ROBO2: variants seen among roughly 807,000 people sequenced by gnomAD.
ROBO2 encodes the protein roundabout homolog 2.
ROBO2 carries 53 observed loss-of-function variants against 160.8 expected under a neutral mutation model. The observed-to-expected ratio is 0.33, with a 90% CI of 0.26 to 0.41. The LOEUF (loss-of-function observed/expected upper bound fraction) is 0.41. Among genes scored for constraint, ROBO2 ranks in the 10% least tolerant of loss-of-function variants. ROBO2 has a pLI of 1.00. For synonymous variants in ROBO2, 664 were observed against 611.7 expected (o/e 1.09, Z -1.26); for missense variants, 1,577 against 1,722.4 (o/e 0.92, Z 1.49).
At chr3:76,611,167 C>G (rs528819437) in intron 2 of ROBO2, among the ~76,000 whole-genome samples, 8 of 152,144 alleles carry the variant, frequency 5.3e-5, no homozygotes, top group African/African-American at 1.7e-4. Flanking sequence ...TAGAAGTTGT[C>G]CCTTGGATCG....
intron 9 of ROBO2, among the ~76,000 whole-genome samples, chr3:77,558,454 T>A (rs969577602): frequency 6.6e-6 from 1 of 152,060 alleles, no homozygotes; most frequent in Non-Finnish European, 1.5e-5. Flanking sequence ...AGTAGGGTAT[T>A]GGAAATGACA....
chr3:76,463,871 C>A (rs140290153), intron 2 of ROBO2, among the ~76,000 whole-genome samples: 10 of 152,270 alleles, frequency 6.6e-5, no homozygotes, highest in African/African-American at 2.4e-4. Context: ...GCAAACAACC[C>A]CTCAAGTAAG....
chr3:76,082,579 G>A (rs1056396460), intron 2 of ROBO2, among the ~76,000 whole-genome samples: 5 of 152,090 alleles, frequency 3.3e-5, no homozygotes, highest in Admixed American at 6.6e-5. Flanking sequence ...GCCAGTAAGA[G>A]AGGAGGGAGT....
At chr3:77,549,603 A>T (rs536965640) in intron 7 of ROBO2, among the ~76,000 whole-genome samples, 12 of 152,146 alleles carry the variant, frequency 7.9e-5, no homozygotes, top group African/African-American at 2.9e-4. Context: ...ATAGTGTCAC[A>T]CTTGAATCTA....
At chr3:76,534,813 TGA>T (rs1455911660) in intron 2 of ROBO2, among the ~76,000 whole-genome samples, 8 of 152,066 alleles carry the variant, frequency 5.3e-5, no homozygotes, top group Non-Finnish European at 1.2e-4. Flanking sequence ...CAAGGAGTCC[TGA>T]GAGAACCTTA....
At chr3:77,308,456 C>T (rs566599573) in intron 2 of ROBO2, among the ~76,000 whole-genome samples, 1 of 152,126 alleles carries the variant, frequency 6.6e-6, no homozygotes, top group African/African-American at 2.4e-5. Context: ...TGGCCTGGGA[C>T]TCCCAACGTT....
rs540874866 is a variant in ROBO2, at chr3:76,019,977, C to G, written c.109+82375C>G. 3.4e-4 allele frequency among the ~76,000 whole-genome samples: 51 copies of G among 152,040 alleles called. 1 individual carries two copies. The South Asian group carries it at 9.9e-3, about 30-fold the overall frequency. ...TAATATTTGTATTATGGCCTCCCCA[C>G]ATGCTTCGGTTTTCTCTGAAGCTCC... On this transcript the variant is annotated intron_variant, in intron 2 of 26. Coordinates refer to the ROBO2 transcript ENST00000487694.
chr3:77,265,723 A>G (rs2059080114), intron 2 of ROBO2, among the ~76,000 whole-genome samples: 1 of 152,184 alleles, frequency 6.6e-6, no homozygotes, highest in Non-Finnish European at 1.5e-5. Flanking sequence ...AATCAAAAGA[A>G]TTTGGTCTTG....
intron 2 of ROBO2, among the ~76,000 whole-genome samples, chr3:76,662,109 C>T (rs891425699): frequency 6.6e-6 from 1 of 152,034 alleles, no homozygotes; most frequent in Non-Finnish European, 1.5e-5. Context: ...TTCAATGCCC[C>T]ACTTCCCATC....
At chr3:77,195,940 T>C (rs369099364) in intron 2 of ROBO2, among the ~76,000 whole-genome samples, 2 of 152,182 alleles carry the variant, frequency 1.3e-5, no homozygotes, top group East Asian at 3.9e-4. Flanking sequence ...GTGATAAATG[T>C]CCAAGGACCT....
At chr3:76,940,262 G>A (rs1353480556) in intron 2 of ROBO2, among the ~76,000 whole-genome samples, 1 of 152,150 alleles carries the variant, frequency 6.6e-6, no homozygotes, top group African/African-American at 2.4e-5. Flanking sequence ...GATTACAGGC[G>A]TGAGCCACTG....
chr3:76,866,784 T>C (rs2071414985), intron 2 of ROBO2, among the ~76,000 whole-genome samples: 1 of 152,280 alleles, frequency 6.6e-6, no homozygotes, highest in East Asian at 1.9e-4. Flanking sequence ...TGACTGTTTA[T>C]ACATAATCAG....
At chr3:76,270,278 C>T (rs1707353310) in intron 2 of ROBO2, among the ~76,000 whole-genome samples, 1 of 152,050 alleles carries the variant, frequency 6.6e-6, no homozygotes, top group African/African-American at 2.4e-5. Flanking sequence ...CATTTCTCCC[C>T]TGCCTAGAAC....
chr3:76,514,788 T>A (rs1222820467), intron 2 of ROBO2, among the ~76,000 whole-genome samples: 1 of 152,166 alleles, frequency 6.6e-6, no homozygotes, highest in Non-Finnish European at 1.5e-5. Flanking sequence ...CATTTTAAAA[T>A]CTATTTTTGA....
At chr3:77,171,908 G>C (rs1033303340) in intron 2 of ROBO2, among the ~76,000 whole-genome samples, 2 of 152,112 alleles carry the variant, frequency 1.3e-5, no homozygotes, top group African/African-American at 4.8e-5. Flanking sequence ...AGACCACCTG[G>C]AATAAAAGAG....
chr3:76,771,917 A>C lies in ROBO2; in HGVS notation c.110-326097A>C, dbSNP rs2061930488. ...ACTGAGTACCAATTTTTACTTTCTC[A>C]AAAAATTGTAATTCTAATTTTTAAA... On this transcript the variant is annotated intron_variant, in intron 2 of 26. Transcript: ENST00000487694. 5.3e-5 allele frequency among the ~76,000 whole-genome samples: 8 copies of C among 151,402 alleles called. No individual in the cohort carries two copies. In the South Asian group the frequency reaches 1.7e-3, roughly 31 times the overall value.
chr3:76,807,196 A>T, intron 2 of ROBO2, among the ~76,000 whole-genome samples: 1 of 152,052 alleles, frequency 6.6e-6, no homozygotes, highest in Admixed American at 6.6e-5. Context: ...GTTCTATCAA[A>T]TGGTTGTTTA....
intron 2 of ROBO2, among the ~76,000 whole-genome samples, chr3:75,990,901 C>T (rs1348286476): frequency 6.6e-6 from 1 of 152,048 alleles, no homozygotes; most frequent in East Asian, 1.9e-4. Context: ...GAAGATCTGC[C>T]CTCATAAATG....
intron 2 of ROBO2, among the ~76,000 whole-genome samples, chr3:77,023,554 T>G (rs551927267): frequency 1.3e-5 from 2 of 152,332 alleles, no homozygotes; most frequent in South Asian, 4.1e-4. Flanking sequence ...GACAAAAGTA[T>G]GTAGTGATGT....
Sources: allele counts gnomAD v4.1 joint callset (sites outside exome capture counted in the v4.1 genomes callset), GRCh38; gene constraint gnomAD v4.1.1; transcripts MANE v1.5; gene names NCBI Gene and HGNC (gene_info 2026-07-23, HGNC 2026-07-21).